The following CLTC variants were observed in gnomAD, a reference collection of about 807,000 sequenced individuals.
CLTC encodes the protein clathrin heavy chain 1.
Under a neutral mutation model 195.8 loss-of-function variants are expected in CLTC, and 16 were observed. That is an observed-to-expected ratio of 0.08 (90% confidence interval 0.06 to 0.12). The LOEUF (loss-of-function observed/expected upper bound fraction) is 0.12, where lower values mean the gene tolerates loss of function less well. Among genes scored for constraint, CLTC ranks in the 10% least tolerant of loss-of-function variants. The pLI, the probability that CLTC is intolerant of heterozygous loss-of-function variation, is 1.00. For synonymous variants in CLTC, 667 were observed against 689.4 expected, an observed-to-expected ratio of 0.97 and a Z score of 0.51; for missense variants, 796 against 2,027.0, an observed-to-expected ratio of 0.39 and a Z score of 11.66.
At position 59,640,570 on chromosome 17, in the gene CLTC, T is replaced by G. The variant is rs553787391; in HGVS notation, c.43-3706T>G. 3.9e-5 allele frequency among the ~76,000 whole-genome samples: 6 copies of G among 151,954 alleles called. No homozygotes were observed. In the East Asian group the frequency reaches 1.2e-3, roughly 30 times the overall value. On this transcript the variant is annotated intron_variant, in intron 1 of 31. Coordinates refer to ENST00000269122, the MANE Select transcript of CLTC (RefSeq NM_004859.4). ...TGCCACCATGGGCCCGGCTAATATTTTGTATTTTTAGTAGAAACGGGGTTT... is the reference window on the plus strand; with the variant it reads ...TGCCACCATGGGCCCGGCTAATATTGTGTATTTTTAGTAGAAACGGGGTTT...
chr17:59,635,183 A>C (rs2031827356), intron 1 of CLTC, among the ~76,000 whole-genome samples: 1 of 151,634 alleles, frequency 6.6e-6, no homozygotes, highest in African/African-American at 2.4e-5. Context: ...CATCTGAAAA[A>C]CAGTAGCTCA....
intron 31 of CLTC, among the ~76,000 whole-genome samples, chr17:59,693,098 G>A (rs559041316): frequency 6.6e-6 from 1 of 152,244 alleles, no homozygotes; most frequent in South Asian, 2.1e-4. Flanking sequence ...CAAGCATGGT[G>A]GCTCACACCT....
intron 10 of CLTC, among the ~76,000 whole-genome samples, chr17:59,665,235 A>G (rs1399325995): frequency 1.3e-5 from 2 of 152,034 alleles, no homozygotes; most frequent in Non-Finnish European, 2.9e-5. Flanking sequence ...AGAAAAAAAA[A>G]AAAGGAAAAC....
chr17:59,651,739 G>A (rs761999215), intron 5 of CLTC, among the ~76,000 whole-genome samples: 14 of 152,182 alleles, frequency 9.2e-5, no homozygotes, highest in Non-Finnish European at 2.1e-4. Context: ...CTTTTTGCTT[G>A]TGGAAAGTCT....
At chr17:59,644,506 C>A in intron 2 of CLTC, 23 bp downstream of exon 2, 1 of 1,553,060 alleles carries the variant, frequency 6.4e-7, no homozygotes, top group Non-Finnish European at 8.8e-7. Flanking sequence ...GTGGGTTTTC[C>A]TTAAAACTCT....
At chr17:59,658,199 T>A (rs1366668373) in intron 6 of CLTC, among the ~76,000 whole-genome samples, 2 of 151,944 alleles carry the variant, frequency 1.3e-5, no homozygotes, top group Non-Finnish European at 2.9e-5. Context: ...CGAGACTCCG[T>A]CTCAAAAAAA....
At position 59,626,171 on chromosome 17, in the gene CLTC, A is replaced by G. The variant is rs371311395; in HGVS notation, c.42+5998A>G. On this transcript the variant is annotated intron_variant, in intron 1 of 31. Coordinates refer to ENST00000269122, the MANE Select transcript of CLTC (RefSeq NM_004859.4). ...CAAGGTGGTAAACAAGATGGACTAC[A>G]CCTTGCATTCATGCTTCCATTGATG... 1.5e-3 allele frequency among the ~76,000 whole-genome samples: 233 copies of G among 152,310 alleles called. 6 individuals are homozygous for G. In the South Asian group the frequency reaches 0.048, roughly 31 times the overall value.
At position 59,695,960 on chromosome 17, in the gene CLTC, A is replaced by C; in HGVS notation, c.*2108A>C. 4.8e-6 allele frequency: 1 copy of C among 208,204 alleles called. No individual in the cohort carries two copies. The allele number at this position is 208,204 out of a possible 1,614,324, so 12.9% of individuals were successfully genotyped here. Reference sequence around the variant, plus strand: ...AAAATACCAAGTACAGATGAACTAGAAAACAAGCATATATCCACAATTACC... The same window carrying C: ...AAAATACCAAGTACAGATGAACTAGCAAACAAGCATATATCCACAATTACC... On this transcript the variant is annotated 3_prime_UTR_variant, in exon 32 of 32. Transcript: ENST00000269122.
Position 59,685,088 on chromosome 17 carries a change from C to T in CLTC, c.4467C>T (p.Asn1489=). 3.8e-6 allele frequency: 6 copies of T among 1,597,912 alleles called. No homozygotes were observed. Among genetic ancestry groups the T allele is most frequent in the Non-Finnish European group, 5.1e-6 (6 of 1,169,348 alleles). The change falls in exon 29 of 32, where the codon AAC becomes AAT. Residue 1489 remains asparagine, a synonymous_variant. Coordinates refer to ENST00000269122, the MANE Select transcript of CLTC (RefSeq NM_004859.4). The surrounding 1 kb of genome is among the most constrained non-coding windows in gnomAD (Gnocchi z 5.0). ...GAACATCAATAGATGCTTATGACAA[C>T]TTTGACAATATCTCGCTTGCTCAGC... ...ALRTSIDAYD[N]FDNISLAQRL... is the part of the protein sequence containing the mutation.
intron 2 of CLTC, 67 bp downstream of exon 2, chr17:59,644,550 G>GTTTA: frequency 8.3e-7 from 1 of 1,206,580 alleles, no homozygotes; most frequent in Non-Finnish European, 1.2e-6. Context: ...TTTTTTTTTT[G>GTTTA]TTTGTTTGTT....
intron 2 of CLTC, chr17:59,646,029 CTTAAA>C (rs2032185493): frequency 5.0e-6 from 4 of 802,400 alleles, no homozygotes; most frequent in Non-Finnish European, 6.0e-6. Flanking sequence ...GGTGAGTTAT[CTTAAA>C]TTAGATTGTA....
At position 59,639,722 on chromosome 17, in the gene CLTC, C is replaced by T. The variant is rs558975545; in HGVS notation, c.43-4554C>T. 8.6e-5 allele frequency among the ~76,000 whole-genome samples: 13 copies of T among 151,738 alleles called. No homozygotes were observed. In the South Asian group the frequency reaches 2.7e-3, roughly 32 times the overall value. On this transcript the variant is annotated intron_variant, in intron 1 of 31. Coordinates refer to ENST00000269122, the MANE Select transcript of CLTC (RefSeq NM_004859.4). ...CAGTGGTTCATACCTGTAATCCCAA[C>T]ACTGGGAGGTCGAGCTGGGAGGATT...
chr17:59,636,932 CTTTTT>C (rs771908096), intron 1 of CLTC, among the ~76,000 whole-genome samples: 5 of 103,672 alleles, frequency 4.8e-5, no homozygotes, highest in Middle Eastern at 5.1e-3. Context: ...CCGGCTAATT[CTTTTT>C]TTTTTTTTTT....
At chr17:59,638,027 G>A (rs2031920777) in intron 1 of CLTC, among the ~76,000 whole-genome samples, 1 of 139,946 alleles carries the variant, frequency 7.1e-6, no homozygotes, top group Admixed American at 7.6e-5. Flanking sequence ...AGGCAGTTAA[G>A]CACCCAGAGA....
intron 1 of CLTC, among the ~76,000 whole-genome samples, chr17:59,621,246 G>A (rs1303060753): frequency 1.3e-5 from 2 of 152,206 alleles, no homozygotes; most frequent in African/African-American, 4.8e-5. Context: ...TGATTTTCCT[G>A]TGTCACCAAT....
rs367691240 is a variant in CLTC, at chr17:59,693,720, T to G, written c.4904-8T>G. ...CCCCCTGCTCCTTTTTGTTTTCTTC[T>G]ACTGTAGGTCAGCCCCAGTTGATGC... On this transcript the variant is annotated splice_region_variant and splice_polypyrimidine_tract_variant and intron_variant, in intron 31 of 31. Transcript: ENST00000269122. 8.1e-5 allele frequency: 130 copies of G among 1,609,184 alleles called. No individual in the cohort carries two copies. Among genetic ancestry groups the G allele is most frequent in the Non-Finnish European group, 9.0e-5 (106 of 1,177,896 alleles).
At chr17:59,675,614 T>C (rs1432007950) in intron 16 of CLTC, among the ~76,000 whole-genome samples, 1 of 152,188 alleles carries the variant, frequency 6.6e-6, no homozygotes, top group African/African-American at 2.4e-5. Context: ...AATAGAGATA[T>C]GCAGTTAATA....
Position 59,674,745 on chromosome 17 carries a change from T to A in CLTC, c.2463T>A (p.Asp821Glu). 1 of 1,613,376 alleles carries A rather than the reference T, an allele frequency of 6.2e-7. No individual in the cohort carries two copies. The highest frequency in any genetic ancestry group is 8.5e-7 in the Non-Finnish European group (1 of 1,179,590). The change falls in exon 16 of 32, where the codon GAT becomes GAA. Residue 821 changes from aspartate (D) to glutamate (E), a missense_variant. Physicochemically the swap from Asp to Glu is conservative, Grantham distance 45. Transcript: ENST00000269122. ...CTGTAGTTATTGGAGGATTACTTGA[T>A]GTTGACTGTTCTGAAGATGTCATAA... ...RLPVVIGGLLDVDCSEDVIKN... is the reference protein window; with the variant it reads ...RLPVVIGGLLEVDCSEDVIKN...
intron 10 of CLTC, among the ~76,000 whole-genome samples, chr17:59,665,427 G>A (rs2032707220): frequency 3.3e-5 from 5 of 152,178 alleles, no homozygotes; most frequent in Admixed American, 3.3e-4. Flanking sequence ...AATACATGGG[G>A]ATGATAAAAC....
Sources: allele counts gnomAD v4.1 joint callset (sites outside exome capture counted in the v4.1 genomes callset), GRCh38; gene constraint gnomAD v4.1.1; non-coding constraint Gnocchi (gnomAD v3.1); transcripts MANE v1.5; gene names NCBI Gene and HGNC (gene_info 2026-07-23, HGNC 2026-07-21).